The following NGEF variants were observed in gnomAD, a reference collection of about 807,000 sequenced individuals.
NGEF encodes ephexin-1.
In NGEF, 31 loss-of-function variants were observed where a neutral mutation model predicts 80.9. The ratio of observed to expected loss-of-function variants is 0.38; its 90% CI spans 0.29 to 0.52. The LOEUF is 0.52. Ranked by LOEUF, NGEF falls within the 20% of genes least tolerant of loss-of-function variation. NGEF has a pLI of 0.84. For synonymous variants in NGEF, 371 were observed against 370.2 expected (o/e 1.00, Z -0.03); for missense variants, 709 against 926.2 (o/e 0.77, Z 3.04).
At chr2:232,891,661 A>G (rs1472611493) in intron 7 of NGEF, among the ~76,000 whole-genome samples, 174 bp from the exon 8 acceptor site, 1 of 152,242 alleles carries the variant, frequency 6.6e-6, no homozygotes, top group Admixed American at 6.5e-5. Flanking sequence ...CGTAAAAGTC[A>G]AATAACAATA....
Position 232,879,050 on chromosome 2 carries a change from G to A in NGEF, c.*439C>T, listed in dbSNP as rs914989318. On this transcript the variant is annotated 3_prime_UTR_variant, in exon 15 of 15. Coordinates refer to ENST00000264051, the MANE Select transcript of NGEF (RefSeq NM_019850.3). ...GGCAAGGGCGGCCTCATCTGTGCCT[G>A]GTAGATTCTAACTGCTTCCAAGGTA... The A allele has an allele frequency of 3.2e-5, 5 of 156,120 alleles. No homozygotes were observed. Among genetic ancestry groups the A allele is most frequent in the Admixed American group, 6.4e-5 (1 of 15,728 alleles). 9.7% of individuals were successfully genotyped at this position (156,120 alleles called of 1,614,324 possible).
chr2:232,972,775 G>C (rs1247866645), intron 2 of NGEF, among the ~76,000 whole-genome samples: 1 of 51,294 alleles, frequency 1.9e-5, no homozygotes. Context: ...TTTTTTTTTT[G>C]AGATGGAGTC....
chr2:232,970,135 A>G, intron 3 of NGEF, 79 bp downstream of exon 3: 1 of 717,096 alleles, frequency 1.4e-6, no homozygotes, highest in Non-Finnish European at 2.2e-6. Context: ...CACCCTCGTA[A>G]CCCTGTCAAG....
intron 1 of NGEF, among the ~76,000 whole-genome samples, chr2:233,011,157 C>T (rs1695194798): frequency 6.6e-6 from 1 of 152,166 alleles, no homozygotes; most frequent in Admixed American, 6.5e-5. Context: ...TGGGACACAG[C>T]ATCGCTTCAT....
chr2:232,885,923 C>T (rs1214297387), intron 9 of NGEF, among the ~76,000 whole-genome samples: 6 of 152,340 alleles, frequency 3.9e-5, no homozygotes, highest in African/African-American at 4.8e-5. Flanking sequence ...GAAACACGCT[C>T]GCCAGCCTCA....
At chr2:232,936,043 A>C (rs1693317826) in intron 3 of NGEF, among the ~76,000 whole-genome samples, 1 of 152,226 alleles carries the variant, frequency 6.6e-6, no homozygotes, top group Non-Finnish European at 1.5e-5. Flanking sequence ...CTCAAGAGTT[A>C]AATGGACCTC....
chr2:232,891,679 C>T (rs914637754), intron 7 of NGEF, among the ~76,000 whole-genome samples, 192 bp from the exon 8 acceptor site: 1 of 152,198 alleles, frequency 6.6e-6, no homozygotes, highest in Non-Finnish European at 1.5e-5. Flanking sequence ...ATAGTGGCTT[C>T]ACATGCCTGG....
chr2:232,953,891 G>A (rs748237951), intron 3 of NGEF, among the ~76,000 whole-genome samples: 2 of 152,102 alleles, frequency 1.3e-5, no homozygotes, highest in Admixed American at 6.6e-5. Context: ...GATAGAAACC[G>A]GCACTCAGGA....
chr2:233,003,159 G>T (rs956186086), intron 1 of NGEF, among the ~76,000 whole-genome samples: 3 of 152,144 alleles, frequency 2.0e-5, no homozygotes, highest in Non-Finnish European at 4.4e-5. Flanking sequence ...AAACCCTCCC[G>T]GGAGGTGGCG....
rs148789624 is a variant in NGEF at position 232,992,448 on chromosome 2, C to T, written c.-74-17484G>A. Among the ~76,000 whole-genome samples, 8 of 152,102 alleles carry T rather than the reference C, an allele frequency of 5.3e-5. 1 individual carries two copies. Among genetic ancestry groups the T allele is most frequent in the African/African-American group, 1.9e-4 (8 of 41,490 alleles). On this transcript the variant is annotated intron_variant, in intron 1 of 14. Transcript: ENST00000264051. ...TGGTGCACACCTGTAATACCAGCTA[C>T]TTGGGAGACTGAAGTGGGAGGATCA...
At chr2:232,899,171 A>G (rs981409008) in intron 5 of NGEF, among the ~76,000 whole-genome samples, 24 of 151,692 alleles carry the variant, frequency 1.6e-4, no homozygotes, top group African/African-American at 5.3e-4. Context: ...GTGAATGTGT[A>G]TGAAGGTGAG....
At chr2:232,911,365 A>G (rs186255659) in intron 5 of NGEF, among the ~76,000 whole-genome samples, 1 of 152,190 alleles carries the variant, frequency 6.6e-6, no homozygotes, top group East Asian at 1.9e-4. Flanking sequence ...CCACTGATCT[A>G]TGTGTCTGTA....
intron 5 of NGEF, among the ~76,000 whole-genome samples, chr2:232,911,452 A>C (rs961687398): frequency 2.0e-5 from 3 of 152,152 alleles, no homozygotes; most frequent in African/African-American, 4.8e-5. Flanking sequence ...TGACTCCTCC[A>C]GCTTTATTAT....
chr2:232,892,043 T>C lies in NGEF; in HGVS notation c.1143-556A>G, dbSNP rs1691901311. On this transcript the variant is annotated intron_variant, in intron 7 of 14. Transcript: ENST00000264051. The surrounding 1 kb of genome is among the most constrained non-coding windows in gnomAD (Gnocchi z 4.0). ...TGCTCAGCCTGTCACTCAGCCTCTG[T>C]GCTCACACGGCCTGGCGGGGGCCAC... Among the ~76,000 whole-genome samples, 1 of 151,952 alleles carries C rather than the reference T, an allele frequency of 6.6e-6. No homozygotes were observed. Among genetic ancestry groups the C allele is most frequent in the South Asian group, 2.1e-4 (1 of 4,828 alleles).
At chr2:232,947,148 G>T (rs1328218917) in intron 3 of NGEF, among the ~76,000 whole-genome samples, 1 of 152,266 alleles carries the variant, frequency 6.6e-6, no homozygotes, top group East Asian at 1.9e-4. Context: ...AGGAAAAATT[G>T]TACCTTTACT....
At chr2:232,910,259 G>A (rs2106265814) in intron 5 of NGEF, among the ~76,000 whole-genome samples, 1 of 152,196 alleles carries the variant, frequency 6.6e-6, no homozygotes, top group Admixed American at 6.5e-5. Flanking sequence ...GGATGAAACT[G>A]TTCTACCTCA....
At chr2:232,911,176 A>G (rs1692684881) in intron 5 of NGEF, among the ~76,000 whole-genome samples, 1 of 152,190 alleles carries the variant, frequency 6.6e-6, no homozygotes, top group South Asian at 2.1e-4. Context: ...TTTTGTTATG[A>G]GGCATGAGGT....
chr2:232,885,193 G>C (rs897943799), intron 10 of NGEF, 87 bp downstream of exon 10: 20 of 1,269,666 alleles, frequency 1.6e-5, no homozygotes, highest in Non-Finnish European at 2.0e-5. Flanking sequence ...CCTAAGCAAG[G>C]CCAGCCAGGC....
chr2:232,961,516 G>A (rs1309980756), intron 3 of NGEF, among the ~76,000 whole-genome samples: 1 of 151,956 alleles, frequency 6.6e-6, no homozygotes, highest in Non-Finnish European at 1.5e-5. Flanking sequence ...TTTTTGAGAT[G>A]GAGTCTAGCT....
Sources: gnomAD v4.1 joint callset for allele counts (sites outside exome capture counted in the v4.1 genomes callset) on GRCh38, gnomAD v4.1.1 for gene constraint, Gnocchi (gnomAD v3.1) non-coding constraint, MANE v1.5 for transcripts, NCBI Gene and HGNC (gene_info 2026-07-23, HGNC 2026-07-21) for gene names.